The following CSMD3 variants were observed in gnomAD, a reference collection of about 807,000 sequenced individuals.
The protein encoded by CSMD3 is CUB and Sushi multiple domains 3, also known as CUB and sushi domain-containing protein 3.
Under a neutral mutation model 435.2 loss-of-function variants are expected in CSMD3, and 177 were observed. The ratio of observed to expected loss-of-function variants is 0.41; its 90% CI spans 0.36 to 0.46. The LOEUF (loss-of-function observed/expected upper bound fraction) is 0.46, where lower values mean the gene tolerates loss of function less well. Among genes scored for constraint, CSMD3 ranks in the 20% least tolerant of loss-of-function variants. The pLI is 0.34. For missense variants in CSMD3, 4,265 were observed against 4,504.6 expected (o/e 0.95, Z 1.52); for synonymous variants, 1,656 against 1,520.5 (o/e 1.09, Z -2.07).
intron 41 of CSMD3, 48 bp downstream of exon 41, chr8:112,346,049 A>T (rs2131022004): frequency 2.0e-6 from 2 of 981,940 alleles, no homozygotes; most frequent in Non-Finnish European, 3.3e-6. Flanking sequence ...TTTTAAGGCT[A>T]CATTAATAAA....
chr8:112,330,976 C>T (rs187814998), intron 45 of CSMD3, among the ~76,000 whole-genome samples: 2 of 151,996 alleles, frequency 1.3e-5, no homozygotes, highest in East Asian at 3.9e-4. Flanking sequence ...AGTTCTCTGG[C>T]TTTATGTAGG....
At chr8:112,583,348 G>C (rs1295577316) in intron 23 of CSMD3, among the ~76,000 whole-genome samples, 1 of 151,798 alleles carries the variant, frequency 6.6e-6, no homozygotes, top group Non-Finnish European at 1.5e-5. Context: ...ATAGTTGAGA[G>C]ATCATTTAGA....
chr8:113,032,151 G>C (rs1255248896), intron 5 of CSMD3, among the ~76,000 whole-genome samples: 1 of 151,482 alleles, frequency 6.6e-6, no homozygotes, highest in Non-Finnish European at 1.5e-5. Context: ...CAGAGAGTTG[G>C]TACTAGTAGA....
At position 112,893,325 on chromosome 8, in the gene CSMD3, C is replaced by A. The variant is rs556922194; in HGVS notation, c.1633+28302G>T. 3.3e-5 allele frequency among the ~76,000 whole-genome samples: 5 copies of A among 151,490 alleles called. No individual in the cohort carries two copies. The South Asian group carries it at 8.3e-4, about 25-fold the overall frequency. Reference sequence around the variant, plus strand: ...AATGACTAGATTAAGTCATTGATTACCTGGTAACATTGGAATTACCTGGTA... The same window carrying A: ...AATGACTAGATTAAGTCATTGATTAACTGGTAACATTGGAATTACCTGGTA... On this transcript the variant is annotated intron_variant, in intron 10 of 70. Transcript: ENST00000297405.
chr8:112,224,612 G>C lies in CSMD3; in HGVS notation c.*159C>G, dbSNP rs1385483809. On this transcript the variant is annotated 3_prime_UTR_variant, in exon 71 of 71. Coordinates refer to ENST00000297405, the MANE Select transcript of CSMD3 (RefSeq NM_198123.2). ...CTCCATGGTAAACATGAAGAATTATGGTCCAGTTTATGAAAAAACACTCTT... is the reference window on the plus strand; with the variant it reads ...CTCCATGGTAAACATGAAGAATTATCGTCCAGTTTATGAAAAAACACTCTT... 2.6e-5 allele frequency: 19 copies of C among 736,570 alleles called. No individual in the cohort carries two copies. The East Asian group carries it at 5.0e-4, about 19-fold the overall frequency. The allele number at this position is 736,570 out of a possible 1,614,324, so 45.6% of individuals were successfully genotyped here. A position where few individuals can be genotyped will look rare whatever the true frequency, so the allele number is the denominator to read the frequency against.
chr8:113,344,170 C>T (rs1467007392), intron 1 of CSMD3, among the ~76,000 whole-genome samples: 5 of 151,932 alleles, frequency 3.3e-5, no homozygotes, highest in Non-Finnish European at 7.4e-5. Context: ...TTTTTTTTTA[C>T]TCTTGAAATA....
At chr8:113,285,675 T>G (rs528469255) in intron 2 of CSMD3, among the ~76,000 whole-genome samples, 1 of 152,202 alleles carries the variant, frequency 6.6e-6, no homozygotes, top group Non-Finnish European at 1.5e-5. Context: ...CCTGGAATCA[T>G]GCAATATAAA....
At chr8:112,800,596 C>T (rs142480208) in intron 12 of CSMD3, among the ~76,000 whole-genome samples, 289 of 152,094 alleles carry the variant, frequency 1.9e-3, no homozygotes, top group African/African-American at 6.9e-3. Flanking sequence ...TACAAATATT[C>T]AAGTATTTTT....
At chr8:112,552,409 C>G (rs1827764367) in intron 26 of CSMD3, among the ~76,000 whole-genome samples, 185 bp downstream of exon 26, 1 of 151,950 alleles carries the variant, frequency 6.6e-6, no homozygotes, top group Non-Finnish European at 1.5e-5. Context: ...TCATTTGAGC[C>G]TATGAGGAGG....
intron 1 of CSMD3, among the ~76,000 whole-genome samples, chr8:113,341,113 T>C (rs891640514): frequency 6.6e-6 from 1 of 152,148 alleles, no homozygotes; most frequent in African/African-American, 2.4e-5. Context: ...TCCATACATA[T>C]ATATGGACAA....
chr8:112,242,305 T>C (rs1814248489), intron 65 of CSMD3, among the ~76,000 whole-genome samples: 1 of 152,120 alleles, frequency 6.6e-6, no homozygotes, highest in Non-Finnish European at 1.5e-5. Flanking sequence ...TCATGTAGGA[T>C]GTAGAAGTGA....
At chr8:112,717,472 A>T (rs532466232) in intron 13 of CSMD3, among the ~76,000 whole-genome samples, 1 of 152,326 alleles carries the variant, frequency 6.6e-6, no homozygotes, top group Non-Finnish European at 1.5e-5. Flanking sequence ...TGGGAATGTA[A>T]ATTAATTCAA....
chr8:112,533,105 T>A (rs975109450), intron 27 of CSMD3, among the ~76,000 whole-genome samples: 3 of 151,946 alleles, frequency 2.0e-5, no homozygotes, highest in African/African-American at 7.2e-5. Context: ...TCACAAAACA[T>A]AGACTTATAA....
At chr8:112,945,825 A>G (rs953763471) in intron 9 of CSMD3, among the ~76,000 whole-genome samples, 8 of 151,296 alleles carry the variant, frequency 5.3e-5, no homozygotes, top group African/African-American at 1.9e-4. Flanking sequence ...ACTGAACTCT[A>G]TTTTCTGGAA....
chr8:113,425,729 A>C (rs756112140), intron 1 of CSMD3, among the ~76,000 whole-genome samples: 1 of 151,554 alleles, frequency 6.6e-6, no homozygotes, highest in Non-Finnish European at 1.5e-5. Flanking sequence ...TTAAAGACGA[A>C]AGTTTTTTAA....
rs185048939 is a variant in CSMD3, at chr8:113,326,691, T to C, written c.179-11898A>G. ...TTAACTAATACAAATTATCTGCTAC[T>C]ATTAAGTAAACTGTATTTCAGACAT... On this transcript the variant is annotated intron_variant, in intron 1 of 70. Transcript: ENST00000297405. 5.9e-5 allele frequency among the ~76,000 whole-genome samples: 9 copies of C among 152,302 alleles called. No homozygotes were observed. In the East Asian group the frequency reaches 9.6e-4, roughly 16 times the overall value.
Position 112,224,771 on chromosome 8 carries a change from TTA to T in CSMD3, c.11122_11123del (p.Ter3708ThrfsTer21). 6.2e-7 allele frequency: 1 copy of T among 1,614,032 alleles called. No homozygotes were observed. Among genetic ancestry groups the T allele is most frequent in the South Asian group, 1.1e-5 (1 of 91,084 alleles). On this transcript the variant is annotated frameshift_variant and stop_lost, in exon 71 of 71. Transcript: ENST00000297405. LOFTEE classifies it high-confidence loss of function. ...TCTGAAGAAGGCAAAGGTTGCCTCG[TTA>T]TACCATTGTGCAAACCGTGTTCAAG... Reference protein sequence around the residue: ...PNLNTVCTMV* With the variant: ...PNLNTVCTMVX
chr8:112,668,682 T>C (rs1316189983), intron 16 of CSMD3, among the ~76,000 whole-genome samples: 4 of 152,046 alleles, frequency 2.6e-5, no homozygotes, highest in African/African-American at 9.7e-5. Flanking sequence ...CTGAAGTAGC[T>C]ACTTTCTCAC....
intron 3 of CSMD3, among the ~76,000 whole-genome samples, chr8:113,218,760 A>G (rs150146684): frequency 4.2e-4 from 64 of 151,490 alleles, no homozygotes; most frequent in African/African-American, 1.4e-3. Context: ...CAGGTTGAGT[A>G]ACCTTTATCC....
Sources: gnomAD v4.1 joint callset for allele counts (sites outside exome capture counted in the v4.1 genomes callset) on GRCh38, gnomAD v4.1.1 for gene constraint, MANE v1.5 for transcripts, NCBI Gene and HGNC (gene_info 2026-07-23, HGNC 2026-07-21) for gene names.